Variants in SLCO1B1 observed in about 807,000 individuals in gnomAD.
The protein encoded by SLCO1B1 is solute carrier organic anion transporter family member 1B1, also known as OATP-2.
In SLCO1B1, 81 loss-of-function variants were observed where a neutral mutation model predicts 70.1. That is an observed-to-expected ratio of 1.16 (90% CI 0.97 to 1.39). The LOEUF is 1.39. Ranked by LOEUF, SLCO1B1 falls within the 40% of genes most tolerant of loss-of-function variation. SLCO1B1 has a pLI of 0.00. For synonymous variants in SLCO1B1, 283 were observed against 271.5 expected, an observed-to-expected ratio of 1.04 and a Z score of -0.42; for missense variants, 895 against 799.6, an observed-to-expected ratio of 1.12 and a Z score of -1.44.
chr12:21,194,487 A>G (rs1941069634), intron 7 of SLCO1B1, among the ~76,000 whole-genome samples: 1 of 151,912 alleles, frequency 6.6e-6, no homozygotes, highest in East Asian at 1.9e-4. Flanking sequence ...CTTTTGCTCT[A>G]GCTCCCAATA....
At chr12:21,231,114 G>A (rs1167319844) in intron 14 of SLCO1B1, among the ~76,000 whole-genome samples, 2 of 151,720 alleles carry the variant, frequency 1.3e-5, no homozygotes, top group Non-Finnish European at 2.9e-5. Context: ...GAGAATGATG[G>A]TTTCCAGCTT....
chr12:21,219,698 A>G (rs1358748569), intron 12 of SLCO1B1, among the ~76,000 whole-genome samples: 1 of 151,240 alleles, frequency 6.6e-6, no homozygotes, highest in East Asian at 2.2e-4. Context: ...GGAAAATATG[A>G]AGTAAATGAA....
At chr12:21,203,505 G>T (rs1941180904) in intron 10 of SLCO1B1, among the ~76,000 whole-genome samples, 1 of 151,976 alleles carries the variant, frequency 6.6e-6, no homozygotes, top group African/African-American at 2.4e-5. Flanking sequence ...GTTCTTTAGT[G>T]CTGCTTACTA....
chr12:21,206,260 C>T (rs1395242321), intron 11 of SLCO1B1, among the ~76,000 whole-genome samples: 1 of 151,832 alleles, frequency 6.6e-6, no homozygotes. Context: ...AATTGGAGAT[C>T]ACCCCACTTT....
At chr12:21,168,263 T>G (rs1210826114) in intron 2 of SLCO1B1, among the ~76,000 whole-genome samples, 1 of 152,224 alleles carries the variant, frequency 6.6e-6, no homozygotes, top group Non-Finnish European at 1.5e-5. Flanking sequence ...TGCATAATAT[T>G]CCATTGTGTA....
At chr12:21,205,271 AT>A (rs1941202563) in intron 10 of SLCO1B1, among the ~76,000 whole-genome samples, 2 of 152,008 alleles carry the variant, frequency 1.3e-5, no homozygotes, top group South Asian at 4.1e-4. Flanking sequence ...CATAAAGGAA[AT>A]CAGTATAAAG....
At chr12:21,228,621 G>A (rs572148594) in intron 14 of SLCO1B1, among the ~76,000 whole-genome samples, 2 of 152,280 alleles carry the variant, frequency 1.3e-5, no homozygotes, top group South Asian at 4.2e-4. Context: ...GAGGTCAGAA[G>A]GATGTGATGT....
intron 11 of SLCO1B1, among the ~76,000 whole-genome samples, chr12:21,209,202 TC>T (rs571897466): frequency 1.1e-3 from 170 of 151,340 alleles, no homozygotes; most frequent in East Asian, 4.3e-3. Context: ...ATGCTATCCC[TC>T]CCCCCTCCTC....
chr12:21,182,876 A>G (rs1369751101), intron 7 of SLCO1B1, among the ~76,000 whole-genome samples: 1 of 152,180 alleles, frequency 6.6e-6, no homozygotes, highest in East Asian at 1.9e-4. Context: ...AGAATGAGAC[A>G]TGCCTCATTT....
intron 4 of SLCO1B1, among the ~76,000 whole-genome samples, chr12:21,176,143 A>G (rs1474883284): frequency 6.6e-6 from 1 of 152,072 alleles, no homozygotes; most frequent in African/African-American, 2.4e-5. Flanking sequence ...TTTATCATCT[A>G]TGTTTATACT....
chr12:21,224,314 G>A (rs2121192903), intron 13 of SLCO1B1, among the ~76,000 whole-genome samples: 1 of 151,344 alleles, frequency 6.6e-6, no homozygotes, highest in East Asian at 1.9e-4. Flanking sequence ...CAGCAATTGA[G>A]CCAAGATCTT....
intron 11 of SLCO1B1, among the ~76,000 whole-genome samples, chr12:21,209,198 T>TC: frequency 6.6e-6 from 1 of 151,288 alleles, no homozygotes; most frequent in African/African-American, 2.5e-5. Context: ...CCCAATGCTA[T>TC]CCCTCCCCCC....
At chr12:21,181,978 A>G (rs1940904372) in intron 7 of SLCO1B1, among the ~76,000 whole-genome samples, 1 of 152,200 alleles carries the variant, frequency 6.6e-6, no homozygotes, top group African/African-American at 2.4e-5. Flanking sequence ...TAAACTTATT[A>G]GAGGGTACAA....
At chr12:21,145,480 T>C (rs892800932) in intron 2 of SLCO1B1, among the ~76,000 whole-genome samples, 2 of 137,834 alleles carry the variant, frequency 1.5e-5, no homozygotes, top group African/African-American at 5.3e-5. Context: ...TTCATTTTTT[T>C]TTTTTTTTTT....
chr12:21,140,797 T>G (rs1159196954), intron 1 of SLCO1B1, among the ~76,000 whole-genome samples: 1 of 152,070 alleles, frequency 6.6e-6, no homozygotes, highest in African/African-American at 2.4e-5. Flanking sequence ...CATATTATAT[T>G]TCTGGATAAT....
At chr12:21,147,488 T>C (rs1940404005) in intron 2 of SLCO1B1, among the ~76,000 whole-genome samples, 1 of 152,124 alleles carries the variant, frequency 6.6e-6, no homozygotes, top group Admixed American at 6.5e-5. Flanking sequence ...TGTGTCCATG[T>C]GTTCTCATTG....
intron 7 of SLCO1B1, among the ~76,000 whole-genome samples, chr12:21,195,542 G>C (rs535262384): frequency 1.3e-5 from 2 of 152,232 alleles, no homozygotes; most frequent in South Asian, 4.1e-4. Context: ...TGTGCTCTTT[G>C]TAGCCCATTG....
Position 21,189,538 on chromosome 12 carries a change from G to C in SLCO1B1, c.728-7408G>C, listed in dbSNP as rs185947573. Among the ~76,000 whole-genome samples the C allele has an allele frequency of 1.6e-3, 239 of 151,762 alleles. 4 individuals carry two copies. The highest frequency in any genetic ancestry group is 5.7e-3 in the African/African-American group (237 of 41,350). On this transcript the variant is annotated intron_variant, in intron 7 of 14. Transcript: ENST00000256958. Reference sequence around the variant, plus strand: ...TCTCAGCTCACTGCAATCTCTGCCTGCCAGGTTCCAGTGATTATCCAGCCT... The same window carrying C: ...TCTCAGCTCACTGCAATCTCTGCCTCCCAGGTTCCAGTGATTATCCAGCCT...
intron 2 of SLCO1B1, among the ~76,000 whole-genome samples, chr12:21,158,735 A>G (rs1940574289): frequency 6.6e-6 from 1 of 152,174 alleles, no homozygotes; most frequent in South Asian, 2.1e-4. Flanking sequence ...TACTATTACA[A>G]TAGCTAACAT....
Sources: allele counts gnomAD v4.1 joint callset (sites outside exome capture counted in the v4.1 genomes callset), GRCh38; gene constraint gnomAD v4.1.1; transcripts MANE v1.5; gene names NCBI Gene and HGNC (gene_info 2026-07-23, HGNC 2026-07-21).